CTNNA3: variants seen among roughly 807,000 people sequenced by gnomAD.
CTNNA3 encodes the protein catenin alpha-3.
In CTNNA3, 76 loss-of-function variants were observed where a neutral mutation model predicts 95.7. The ratio of observed to expected loss-of-function variants is 0.79; its 90% CI spans 0.66 to 0.96. The LOEUF is 0.96. CTNNA3 is among the 40% of genes least tolerant of loss of function. CTNNA3 has a pLI of 0.00. For missense variants in CTNNA3, 1,191 were observed against 1,089.8 expected, an observed-to-expected ratio of 1.09 and a Z score of -1.31; for synonymous variants, 431 against 374.4, an observed-to-expected ratio of 1.15 and a Z score of -1.74.
chr10:66,685,231 G>GTATATATGTGTGTATATATACA (rs1847222958), intron 9 of CTNNA3, among the ~76,000 whole-genome samples: 2 of 120,712 alleles, frequency 1.7e-5, no homozygotes, highest in Non-Finnish European at 3.3e-5. Flanking sequence ...ATATATATAC[G>GTATATATGTGTGTATATATACA]TATATATGTG....
chr10:66,885,921 C>T (rs564729140), intron 7 of CTNNA3, among the ~76,000 whole-genome samples: 1 of 152,274 alleles, frequency 6.6e-6, no homozygotes, highest in African/African-American at 2.4e-5. Flanking sequence ...AACTGGATAA[C>T]TGCCCAACCA....
At chr10:67,271,200 G>T (rs1294894252) in intron 5 of CTNNA3, among the ~76,000 whole-genome samples, 1 of 152,096 alleles carries the variant, frequency 6.6e-6, no homozygotes, top group Non-Finnish European at 1.5e-5. Flanking sequence ...ATATGGTTAG[G>T]CTTTGCGTTC....
intron 15 of CTNNA3, among the ~76,000 whole-genome samples, chr10:66,061,105 G>C (rs1433381790): frequency 3.3e-5 from 5 of 152,074 alleles, no homozygotes; most frequent in Admixed American, 3.3e-4. Flanking sequence ...ATGTAACACA[G>C]TTTATGTGAC....
chr10:66,641,233 T>C (rs1252292588), intron 9 of CTNNA3, among the ~76,000 whole-genome samples: 1 of 152,190 alleles, frequency 6.6e-6, no homozygotes, highest in East Asian at 1.9e-4. Flanking sequence ...AATTTAAAGA[T>C]ATAAATTCCA....
chr10:66,883,671 G>C (rs1844929735), intron 7 of CTNNA3, among the ~76,000 whole-genome samples: 1 of 152,052 alleles, frequency 6.6e-6, no homozygotes, highest in Admixed American at 6.6e-5. Context: ...TTATTAAATG[G>C]CAGAGCTAGG....
chr10:66,752,021 C>G (rs1839163272), intron 9 of CTNNA3, among the ~76,000 whole-genome samples: 2 of 152,010 alleles, frequency 1.3e-5, no homozygotes, highest in South Asian at 4.1e-4. Context: ...GATCTCAATC[C>G]TTTTTAAACT....
chr10:67,651,389 T>C (rs1453856510), intron 1 of CTNNA3, among the ~76,000 whole-genome samples: 1 of 152,198 alleles, frequency 6.6e-6, no homozygotes, highest in Non-Finnish European at 1.5e-5. Flanking sequence ...TAACACCTTA[T>C]CCTGTAGAAT....
intron 7 of CTNNA3, among the ~76,000 whole-genome samples, chr10:67,059,875 A>G (rs1447902728): frequency 6.6e-6 from 1 of 152,206 alleles, no homozygotes; most frequent in Non-Finnish European, 1.5e-5. Flanking sequence ...TCATTTTGCA[A>G]TGAAGATATG....
rs181948082 is a variant in CTNNA3 at position 66,938,034 on chromosome 10, T to A, written c.1048-162510A>T. ...GGTGGCTGATACAGTCTTTTATGCA[T>A]GATAGATGTTGTTGAATTGATTTTC... On this transcript the variant is annotated intron_variant, in intron 7 of 17. Coordinates refer to ENST00000433211, the MANE Select transcript of CTNNA3 (RefSeq NM_013266.4). 2.0e-5 allele frequency among the ~76,000 whole-genome samples: 3 copies of A among 152,314 alleles called. No individual in the cohort carries two copies. The East Asian group carries it at 5.8e-4, about 29-fold the overall frequency.
At chr10:65,980,642 C>T (rs2078300880) in intron 16 of CTNNA3, among the ~76,000 whole-genome samples, 1 of 151,630 alleles carries the variant, frequency 6.6e-6, no homozygotes, top group Non-Finnish European at 1.5e-5. Flanking sequence ...AAAAAATAAA[C>T]TGCCATAATC....
intron 10 of CTNNA3, among the ~76,000 whole-genome samples, chr10:66,565,580 G>A (rs1842679851): frequency 6.6e-6 from 1 of 152,164 alleles, no homozygotes; most frequent in African/African-American, 2.4e-5. Context: ...GAGGCAGAGG[G>A]TGAGGAAAAC....
chr10:65,986,500 A>G (rs919553798), intron 16 of CTNNA3, among the ~76,000 whole-genome samples: 1 of 151,608 alleles, frequency 6.6e-6, no homozygotes, highest in Non-Finnish European at 1.5e-5. Context: ...CTAGAAATCA[A>G]TATAACTAAA....
chr10:67,567,137 G>A (rs1029006424), intron 3 of CTNNA3, among the ~76,000 whole-genome samples: 17 of 151,412 alleles, frequency 1.1e-4, no homozygotes, highest in Middle Eastern at 3.4e-3. Context: ...TAACCTGCAT[G>A]TTGTGCACAT....
chr10:65,976,865 A>ATT (rs2078216790), intron 16 of CTNNA3, among the ~76,000 whole-genome samples: 1 of 152,008 alleles, frequency 6.6e-6, no homozygotes, highest in Non-Finnish European at 1.5e-5. Flanking sequence ...TACACTCTAG[A>ATT]TATTAATTCC....
At chr10:66,328,901 C>CACACATAT (rs2092288681) in intron 12 of CTNNA3, among the ~76,000 whole-genome samples, 1 of 53,666 alleles carries the variant, frequency 1.9e-5, no homozygotes, top group African/African-American at 5.0e-5. Context: ...TACACACACA[C>CACACATAT]ACATATATAC....
chr10:66,631,436 G>A (rs1182415170), intron 9 of CTNNA3, among the ~76,000 whole-genome samples: 2 of 152,128 alleles, frequency 1.3e-5, no homozygotes, highest in African/African-American at 2.4e-5. Context: ...GCAAGACAAT[G>A]TTGTTTATTC....
chr10:66,371,210 T>C (rs539223269), intron 12 of CTNNA3, among the ~76,000 whole-genome samples: 1 of 152,288 alleles, frequency 6.6e-6, no homozygotes, highest in South Asian at 2.1e-4. Flanking sequence ...TTTGTCATTG[T>C]AGTTAAAGAA....
chr10:66,656,236 A>C (rs1846070050), intron 9 of CTNNA3, among the ~76,000 whole-genome samples: 1 of 152,108 alleles, frequency 6.6e-6, no homozygotes, highest in East Asian at 1.9e-4. Flanking sequence ...AGAATTAGAT[A>C]ATTGAGGATA....
chr10:67,215,525 A>G (rs1452874588), intron 6 of CTNNA3, among the ~76,000 whole-genome samples: 1 of 152,106 alleles, frequency 6.6e-6, no homozygotes, highest in Middle Eastern at 3.2e-3. Flanking sequence ...GGATAAGGCA[A>G]TTTTAAACTA....
Sources: allele counts gnomAD v4.1 joint callset (sites outside exome capture counted in the v4.1 genomes callset), GRCh38; gene constraint gnomAD v4.1.1; transcripts MANE v1.5; gene names NCBI Gene and HGNC (gene_info 2026-07-23, HGNC 2026-07-21).